TANGO2: variants seen among roughly 807,000 people sequenced by gnomAD.
The protein encoded by TANGO2 is transport and golgi organization 2 homolog.
Under a neutral mutation model 39.1 loss-of-function variants are expected in TANGO2, and 26 were observed. The ratio of observed to expected loss-of-function variants is 0.67; its 90% CI spans 0.49 to 0.92. TANGO2 has a LOEUF of 0.92. TANGO2 is among the 40% of genes least tolerant of loss of function. The pLI, the probability that TANGO2 is intolerant of heterozygous loss-of-function variation, is 0.00. For missense variants in TANGO2, 326 were observed against 360.1 expected (o/e 0.91, Z 0.77); for synonymous variants, 131 against 144.5 (o/e 0.91, Z 0.67).
At chr22:20,050,486 C>G (rs1259211680) in intron 3 of TANGO2, among the ~76,000 whole-genome samples, 2 of 150,174 alleles carry the variant, frequency 1.3e-5, no homozygotes, top group Non-Finnish European at 3.0e-5. Flanking sequence ...GTCTCAGCCT[C>G]CCGAGTAGCT....
chr22:20,055,153 A>T (rs2047106206), intron 5 of TANGO2: 1 of 152,230 alleles, frequency 6.6e-6, no homozygotes, highest in Admixed American at 6.5e-5. Flanking sequence ...CTGGCCTGGG[A>T]GGGCATCTCA....
At chr22:20,033,173 G>A (rs775856637) in intron 1 of TANGO2, 10 of 518,572 alleles carry the variant, frequency 1.9e-5, no homozygotes, top group Non-Finnish European at 3.6e-5. Context: ...GGCAGTTCCT[G>A]ATGGTCCCCT....
chr22:20,051,003 A>G (rs1037316976), intron 3 of TANGO2, among the ~76,000 whole-genome samples: 1 of 150,964 alleles, frequency 6.6e-6, no homozygotes, highest in African/African-American at 2.4e-5. Context: ...TTGGGATTAC[A>G]GGCATGCACC....
chr22:20,052,909 CT>C (rs1464089573), intron 4 of TANGO2, among the ~76,000 whole-genome samples: 1 of 152,148 alleles, frequency 6.6e-6, no homozygotes, highest in African/African-American at 2.4e-5. Context: ...CTGAGGTGTG[CT>C]GCAGGGGTAT....
chr22:20,062,717 A>G (rs2147825185), intron 7 of TANGO2, among the ~76,000 whole-genome samples: 1 of 149,808 alleles, frequency 6.7e-6, no homozygotes, highest in South Asian at 2.1e-4. Flanking sequence ...AAATGCCCAC[A>G]GGGCACCTCT....
chr22:20,027,630 CAG>C (rs1413579046), intron 1 of TANGO2, among the ~76,000 whole-genome samples: 1 of 151,826 alleles, frequency 6.6e-6, no homozygotes, highest in Non-Finnish European at 1.5e-5. Context: ...TTTTGAGACT[CAG>C]AGTCTTGCCT....
At chr22:20,039,203 G>A (rs936193098) in intron 2 of TANGO2, among the ~76,000 whole-genome samples, 1 of 150,922 alleles carries the variant, frequency 6.6e-6, no homozygotes, top group African/African-American at 2.4e-5. Context: ...CAAAATGCTG[G>A]GATTACATGC....
At chr22:20,026,080 C>G (rs568204585) in intron 1 of TANGO2, among the ~76,000 whole-genome samples, 3 of 152,208 alleles carry the variant, frequency 2.0e-5, no homozygotes, top group Non-Finnish European at 4.4e-5. Flanking sequence ...ACAGCAGTCG[C>G]ACAGGCAGAC....
chr22:20,027,901 T>A (rs2041093519), intron 1 of TANGO2, among the ~76,000 whole-genome samples: 2 of 152,148 alleles, frequency 1.3e-5, no homozygotes, highest in Admixed American at 6.5e-5. Context: ...TGGGTTCAAG[T>A]GATCCTCCTG....
rs534925591 is a variant in TANGO2 at position 20,061,641 on chromosome 22, T to C, written c.563T>C (p.Val188Ala). Residue 188 changes from valine to alanine, a missense_variant, in exon 7 of 9, where the codon GTG becomes GCG. Physicochemically the swap from Val to Ala is moderately conservative, Grantham distance 64. Transcript: ENST00000327374. ...CGGAGCCAGGCGCTGCCCAAGGATG[T>C]GCTCATCGCCAGCCTCCTGGATGTG... is the stretch of plus-strand genomic sequence containing the variant. ...VERSQALPKD[V>A]LIASLLDVLN... 6.4e-7 allele frequency: 1 copy of C among 1,563,252 alleles called. No homozygotes were observed. Among genetic ancestry groups the C allele is most frequent in the East Asian group, 2.3e-5 (1 of 42,718 alleles).
chr22:20,039,674 C>T (rs754212756), intron 2 of TANGO2, among the ~76,000 whole-genome samples: 8 of 152,140 alleles, frequency 5.3e-5, no homozygotes, highest in Admixed American at 5.2e-4. Context: ...TACAGCCCCA[C>T]GTGATGCCAC....
chr22:20,032,548 G>T (rs573946592), intron 1 of TANGO2, among the ~76,000 whole-genome samples: 226 of 152,378 alleles, frequency 1.5e-3, no homozygotes, highest in African/African-American at 5.1e-3. Flanking sequence ...GGCCAACCCT[G>T]CATGGCTTTG....
chr22:20,047,928 GT>G (rs695301), intron 3 of TANGO2: 67 of 140,968 alleles, frequency 4.8e-4, no homozygotes, highest in South Asian at 1.1e-3. Context: ...ATAGTGTTTT[GT>G]TTTTTTTTTT....
At chr22:20,055,581 T>G in intron 5 of TANGO2, 1 of 353,260 alleles carries the variant, frequency 2.8e-6, no homozygotes, top group African/African-American at 2.1e-5. Context: ...AGGGGCCTGA[T>G]GGAGAGGTTG....
At position 20,064,813 on chromosome 22, in the gene TANGO2, C is replaced by A; in HGVS notation, c.*151C>A. Reference sequence around the variant, plus strand: ...AGGGCCCTGTGGTTTGCGTGTTACCCATCTGTGTCCCCATGCCCAGTTCAG... The same window carrying A: ...AGGGCCCTGTGGTTTGCGTGTTACCAATCTGTGTCCCCATGCCCAGTTCAG... On this transcript the variant is annotated 3_prime_UTR_variant, in exon 9 of 9. Coordinates refer to ENST00000327374, the MANE Select transcript of TANGO2 (RefSeq NM_152906.7). 1 of 965,382 alleles carries A rather than the reference C, an allele frequency of 1.0e-6. No homozygotes were observed. The highest frequency in any genetic ancestry group is 1.5e-6 in the Non-Finnish European group (1 of 667,520). 59.8% of individuals were successfully genotyped at this position (965,382 alleles called of 1,614,324 possible). A position where few individuals can be genotyped will look rare whatever the true frequency, so the allele number is the denominator to read the frequency against.
intron 2 of TANGO2, 127 bp from the exon 3 acceptor site, chr22:20,043,228 G>A: frequency 1.5e-6 from 1 of 685,424 alleles, no homozygotes; most frequent in Non-Finnish European, 2.6e-6. Context: ...CAGCAGGACT[G>A]CCGGCTTCCT....
chr22:20,049,876 GTC>G (rs2045962585), intron 3 of TANGO2, among the ~76,000 whole-genome samples: 2 of 152,066 alleles, frequency 1.3e-5, no homozygotes, highest in Non-Finnish European at 2.9e-5. Context: ...ATACTGAGTT[GTC>G]TAAGAAGTAC....
At position 20,055,979 on chromosome 22, in the gene TANGO2, C is replaced by G; in HGVS notation, c.417C>G (p.Asn139Lys). ...GAGACGTCATTTGCTACTATGGGAA[C>G]CGAGGGGAGCCTGATCCTATCGTTT... ...AKGDVICYYG[N>K]RGEPDPIVLT... The change falls in exon 6 of 9, where the codon AAC (asparagine) becomes AAG (lysine). Residue 139 changes from asparagine to lysine, a missense_variant. Asn to Lys is a moderately conservative substitution (Grantham distance 94, BLOSUM62 0). Transcript: ENST00000327374. The G allele has an allele frequency of 6.2e-7, 1 of 1,614,144 alleles. No individual in the cohort carries two copies. Among genetic ancestry groups the G allele is most frequent in the Non-Finnish European group, 8.5e-7 (1 of 1,179,962 alleles).
chr22:20,037,007 T>A (rs2042972999), intron 2 of TANGO2, 153 bp downstream of exon 2: 1 of 1,581,586 alleles, frequency 6.3e-7, no homozygotes. Flanking sequence ...GGTCACTCAG[T>A]GTGGGATGCT....
Sources: allele counts gnomAD v4.1 joint callset (sites outside exome capture counted in the v4.1 genomes callset), GRCh38; gene constraint gnomAD v4.1.1; transcripts MANE v1.5; gene names NCBI Gene and HGNC (gene_info 2026-07-23, HGNC 2026-07-21).